LINGO2: variants seen among roughly 807,000 people sequenced by gnomAD.
LINGO2 encodes the protein leucine rich repeat and Ig domain containing 2, also known as leucine-rich repeat and immunoglobulin-like domain-containing nogo receptor-interacting protein 2.
LINGO2 carries 14 observed loss-of-function variants against 30.6 expected under a neutral mutation model. The observed-to-expected ratio is 0.46, with a 90% CI of 0.30 to 0.72. The LOEUF is 0.72. Ranked by LOEUF, LINGO2 falls within the 30% of genes least tolerant of loss-of-function variation. The probability of loss-of-function intolerance (pLI) is 0.07; values close to 1 mark genes in which losing one functional copy is unlikely to be tolerated. For synonymous variants in LINGO2, 317 were observed against 288.5 expected (o/e 1.10, Z -1.00); for missense variants, 729 against 751.7 (o/e 0.97, Z 0.35).
At chr9:28,469,114 T>C (rs1564219374) in intron 2 of LINGO2, among the ~76,000 whole-genome samples, 1 of 151,670 alleles carries the variant, frequency 6.6e-6, no homozygotes, top group Non-Finnish European at 1.5e-5. Flanking sequence ...ATAGAAATCA[T>C]AAAAAAGAAC....
At chr9:29,059,847 T>C in the LINGO2 span, among the ~76,000 whole-genome samples, 453 of 152,112 alleles carry the variant, frequency 3.0e-3, 2 homozygotes, top group Non-Finnish European at 5.6e-3. Flanking sequence ...TCATAAAAAA[T>C]TGATAAATTG....
chr9:28,550,416 T>C (rs979225596), intron 1 of LINGO2, among the ~76,000 whole-genome samples: 2 of 151,930 alleles, frequency 1.3e-5, no homozygotes, highest in Admixed American at 1.3e-4. Context: ...CTGAGTTTTA[T>C]TTTCAATGAC....
At chr9:28,405,051 G>C (rs780484666) in intron 2 of LINGO2, among the ~76,000 whole-genome samples, 1 of 152,028 alleles carries the variant, frequency 6.6e-6, no homozygotes, top group Admixed American at 6.6e-5. Flanking sequence ...ACTCAATAAG[G>C]AGAAGTGTGC....
chr9:28,677,219 T>C, the LINGO2 span, among the ~76,000 whole-genome samples: 2 of 152,184 alleles, frequency 1.3e-5, no homozygotes, highest in Non-Finnish European at 1.5e-5. Flanking sequence ...CTTCAGAGTG[T>C]GAGCTACTAA....
Position 28,355,742 on chromosome 9 carries a change from G to C in LINGO2, c.-246+17094C>G, listed in dbSNP as rs371492050. On this transcript the variant is annotated intron_variant, in intron 3 of 5. Transcript: ENST00000379992. ...CTAGGCTAAGAGAGATTGCTTTTGC[G>C]TAGTATCTGTACGTAATACTCACAC... Among the ~76,000 whole-genome samples the C allele has an allele frequency of 6.6e-5, 10 of 152,188 alleles. No homozygotes were observed. In the East Asian group the frequency reaches 1.6e-3, roughly 24 times the overall value.
Position 28,379,195 on chromosome 9 carries a change from A to G in LINGO2, c.-278-6327T>C, listed in dbSNP as rs144841624. Among the ~76,000 whole-genome samples, 345 of 152,212 alleles carry G rather than the reference A, an allele frequency of 2.3e-3. 1 individual carries two copies. The highest frequency in any genetic ancestry group is 7.9e-3 in the African/African-American group (327 of 41,534). ...TCATATGGTAAATTTTGAAGGAAGT[A>G]TAGTCAGCATGAAGCCATAAAATGT... On this transcript the variant is annotated intron_variant, in intron 2 of 5. Transcript: ENST00000379992.
At chr9:28,572,340 G>A (rs1823736008) in intron 1 of LINGO2, among the ~76,000 whole-genome samples, 1 of 152,034 alleles carries the variant, frequency 6.6e-6, no homozygotes, top group South Asian at 2.1e-4. Context: ...ATAACATATT[G>A]AGGCATGAAG....
chr9:29,058,960 T>A, the LINGO2 span, among the ~76,000 whole-genome samples: 39 of 152,028 alleles, frequency 2.6e-4, no homozygotes, highest in Non-Finnish European at 4.9e-4. Context: ...GTATTTTAAA[T>A]ACAAACATGT....
chr9:28,199,346 T>TC (rs1554686393), intron 4 of LINGO2, among the ~76,000 whole-genome samples: 9 of 126,738 alleles, frequency 7.1e-5, no homozygotes, highest in South Asian at 2.7e-4. Flanking sequence ...TTCTTCTTCT[T>TC]TTTTTTTTTT....
At chr9:28,903,199 G>T in the LINGO2 span, among the ~76,000 whole-genome samples, 5 of 152,032 alleles carry the variant, frequency 3.3e-5, no homozygotes, top group South Asian at 1.0e-3. Flanking sequence ...CATTATAATT[G>T]TTACCATAGA....
intron 2 of LINGO2, among the ~76,000 whole-genome samples, chr9:28,474,104 T>G (rs568407382): frequency 6.6e-6 from 1 of 152,310 alleles, no homozygotes; most frequent in African/African-American, 2.4e-5. Flanking sequence ...TCAGTAGAAC[T>G]GAGAAAGCCA....
the LINGO2 span, among the ~76,000 whole-genome samples, chr9:28,848,397 G>GTA: frequency 2.2e-3 from 106 of 48,422 alleles, no homozygotes; most frequent in African/African-American, 6.9e-3. Context: ...GTGTGTGTGT[G>GTA]TATATATATA....
At chr9:28,124,963 A>C (rs1204189733) in intron 4 of LINGO2, among the ~76,000 whole-genome samples, 1 of 152,234 alleles carries the variant, frequency 6.6e-6, no homozygotes, top group Non-Finnish European at 1.5e-5. Flanking sequence ...ATTCACACTA[A>C]ACACATAGAA....
the LINGO2 span, among the ~76,000 whole-genome samples, chr9:28,839,574 C>A: frequency 6.6e-6 from 1 of 152,140 alleles, no homozygotes; most frequent in South Asian, 2.1e-4. Flanking sequence ...AGGAGACCCA[C>A]AATGGGTAGC....
At chr9:28,092,401 A>G (rs1033701623) in intron 4 of LINGO2, among the ~76,000 whole-genome samples, 1 of 152,056 alleles carries the variant, frequency 6.6e-6, no homozygotes, top group Admixed American at 6.6e-5. Context: ...TTGTAGGGAC[A>G]TGGATGAAGC....
intron 4 of LINGO2, among the ~76,000 whole-genome samples, chr9:28,019,299 T>C (rs1339344285): frequency 1.5e-5 from 2 of 131,288 alleles, no homozygotes; most frequent in Admixed American, 8.5e-5. Flanking sequence ...TTTCCAACTA[T>C]GGCACCTAGG....
At chr9:28,632,877 TATGTAGAGAGAGAGAGAGAG>T (rs1827061263) in intron 1 of LINGO2, among the ~76,000 whole-genome samples, 3 of 90,746 alleles carry the variant, frequency 3.3e-5, no homozygotes, top group African/African-American at 1.4e-4. Flanking sequence ...TATATATATA[TATGTAGAGAGAGAGAGAGAG>T]AGAGAGAGAG....
At chr9:28,369,708 G>C (rs1043245651) in intron 3 of LINGO2, among the ~76,000 whole-genome samples, 1 of 152,206 alleles carries the variant, frequency 6.6e-6, no homozygotes, top group Non-Finnish European at 1.5e-5. Context: ...AAAGTGGCAA[G>C]AACTAGGGCT....
chr9:28,405,840 T>C (rs1822485669), intron 2 of LINGO2, among the ~76,000 whole-genome samples: 2 of 152,164 alleles, frequency 1.3e-5, no homozygotes, highest in Admixed American at 1.3e-4. Flanking sequence ...ATGACTCCGT[T>C]TTTCTTCCTT....
Sources: allele counts gnomAD v4.1 joint callset (sites outside exome capture counted in the v4.1 genomes callset), GRCh38; gene constraint gnomAD v4.1.1; transcripts MANE v1.5; gene names NCBI Gene and HGNC (gene_info 2026-07-23, HGNC 2026-07-21).